The following PCDH15 variants were observed in gnomAD, a reference collection of about 807,000 sequenced individuals.
The protein encoded by PCDH15 is protocadherin-15.
Under a neutral mutation model 178.5 loss-of-function variants are expected in PCDH15, and 129 were observed. That is an observed-to-expected ratio of 0.72 (90% CI 0.63 to 0.84). The LOEUF (loss-of-function observed/expected upper bound fraction) is 0.84. Among genes scored for constraint, PCDH15 ranks in the 40% least tolerant of loss-of-function variants. PCDH15 has a pLI of 0.00. For synonymous variants in PCDH15, 800 were observed against 732.0 expected (o/e 1.09, Z -1.50); for missense variants, 2,230 against 2,099.9 (o/e 1.06, Z -1.21).
chr10:54,518,083 G>T (rs1157004971), intron 3 of PCDH15, among the ~76,000 whole-genome samples: 1 of 152,138 alleles, frequency 6.6e-6, no homozygotes, highest in Non-Finnish European at 1.5e-5. Context: ...GAAATTTATA[G>T]CACCAAATGC....
In PCDH15 at chr10:54,221,775, G is replaced by T. The variant is rs572880647; in HGVS notation, c.986-7727C>A. Among the ~76,000 whole-genome samples, 5 of 152,142 alleles carry T rather than the reference G, an allele frequency of 3.3e-5. No individual in the cohort carries two copies. In the South Asian group the frequency reaches 1.0e-3, roughly 32 times the overall value. On this transcript the variant is annotated intron_variant, in intron 9 of 37. Transcript: ENST00000644397. ...CCACCACCACGCCCAGCTAATTTTT[G>T]TATTTGTAGTAGAGACGGGGTTTCA...
intron 2 of PCDH15, among the ~76,000 whole-genome samples, chr10:55,441,724 C>T (rs1839191055): frequency 1.3e-5 from 2 of 152,098 alleles, no homozygotes; most frequent in African/African-American, 4.8e-5. Context: ...TGAATGGTGG[C>T]TCAAAAAATA....
intron 1 of PCDH15, among the ~76,000 whole-genome samples, chr10:55,281,452 C>A (rs2132257756): frequency 6.6e-6 from 1 of 151,022 alleles, no homozygotes; most frequent in African/African-American, 2.4e-5. Flanking sequence ...TTTAATAAAA[C>A]TCTTACCATC....
chr10:54,803,422 T>C (rs1952724158), upstream of PCDH15, among the ~76,000 whole-genome samples: 1 of 152,188 alleles, frequency 6.6e-6, no homozygotes, highest in South Asian at 2.1e-4. Flanking sequence ...ATCAAGGTCT[T>C]GAGTTAAGGT....
chr10:54,973,867 T>G (rs1170738231), intron 2 of PCDH15, among the ~76,000 whole-genome samples: 1 of 151,820 alleles, frequency 6.6e-6, no homozygotes, highest in African/African-American at 2.4e-5. Context: ...GCAAAAGAAT[T>G]ATCTCTAATC....
chr10:53,971,777 G>T (rs1219931496), intron 21 of PCDH15, among the ~76,000 whole-genome samples: 1 of 151,986 alleles, frequency 6.6e-6, no homozygotes, highest in African/African-American at 2.4e-5. Flanking sequence ...CACGGCTCAA[G>T]GAAATAAAAG....
intron 3 of PCDH15, among the ~76,000 whole-genome samples, chr10:54,852,178 G>T (rs1266322710): frequency 6.6e-6 from 1 of 152,118 alleles, no homozygotes; most frequent in Non-Finnish European, 1.5e-5. Context: ...ATTATTTTTG[G>T]TATCTAGGGA....
At chr10:54,506,056 TA>T (rs2081138478) in intron 3 of PCDH15, among the ~76,000 whole-genome samples, 1 of 152,154 alleles carries the variant, frequency 6.6e-6, no homozygotes, top group South Asian at 2.1e-4. Flanking sequence ...TATTGTTAGA[TA>T]TTTTTCACCT....
At chr10:54,846,851 C>G (rs1167241239) in intron 3 of PCDH15, among the ~76,000 whole-genome samples, 1 of 152,052 alleles carries the variant, frequency 6.6e-6, no homozygotes, top group Non-Finnish European at 1.5e-5. Flanking sequence ...AAATAAAATT[C>G]TATAAAACTA....
At chr10:54,264,340 T>A (rs1397908264) in intron 8 of PCDH15, among the ~76,000 whole-genome samples, 1 of 152,130 alleles carries the variant, frequency 6.6e-6, no homozygotes, top group African/African-American at 2.4e-5. Flanking sequence ...GCACAAGAAC[T>A]CTGGCAATAC....
intron 3 of PCDH15, among the ~76,000 whole-genome samples, chr10:54,407,129 C>A (rs956128452): frequency 2.0e-5 from 3 of 151,956 alleles, no homozygotes; most frequent in African/African-American, 7.3e-5. Flanking sequence ...TGCTCAATAT[C>A]CACTGATAAA....
intron 26 of PCDH15, among the ~76,000 whole-genome samples, chr10:53,872,203 TC>T (rs1196396403): frequency 6.6e-6 from 1 of 152,136 alleles, no homozygotes; most frequent in African/African-American, 2.4e-5. Context: ...AGATGACACA[TC>T]CAGCAACTTA....
chr10:54,639,927 T>A (rs2093952750), intron 2 of PCDH15, among the ~76,000 whole-genome samples: 1 of 152,056 alleles, frequency 6.6e-6, no homozygotes, highest in Non-Finnish European at 1.5e-5. Context: ...TGATTATAGA[T>A]AGATTTTTAA....
At chr10:54,348,051 C>T (rs796464265) in intron 5 of PCDH15, among the ~76,000 whole-genome samples, 16 of 151,838 alleles carry the variant, frequency 1.1e-4, no homozygotes, top group African/African-American at 3.4e-4. Flanking sequence ...GGTTTCACCG[C>T]GTTAGCAAGG....
intron 1 of PCDH15, among the ~76,000 whole-genome samples, chr10:55,185,164 T>TTA (rs1305561794): frequency 6.6e-6 from 1 of 151,840 alleles, no homozygotes; most frequent in Non-Finnish European, 1.5e-5. Context: ...TATTTGGAAT[T>TTA]TAATAGAAAC....
At chr10:54,183,380 A>G (rs914180082) in intron 13 of PCDH15, 64 bp downstream of exon 13, 3 of 1,427,462 alleles carry the variant, frequency 2.1e-6, no homozygotes, top group African/African-American at 1.4e-5. Flanking sequence ...CTTCATGAGC[A>G]TATCGTATAA....
chr10:54,167,738 C>T (rs1052558758), intron 13 of PCDH15, among the ~76,000 whole-genome samples: 8 of 151,966 alleles, frequency 5.3e-5, no homozygotes, highest in Admixed American at 1.3e-4. Flanking sequence ...CTCTTATTTC[C>T]GCACCCCAAC....
chr10:55,073,112 G>A (rs566811465), intron 2 of PCDH15, among the ~76,000 whole-genome samples: 2 of 152,000 alleles, frequency 1.3e-5, no homozygotes. Flanking sequence ...AATAATAAGA[G>A]CTATCTATGA....
chr10:55,619,548 C>T (rs1231107426), intron 2 of PCDH15, among the ~76,000 whole-genome samples: 1 of 151,900 alleles, frequency 6.6e-6, no homozygotes, highest in Non-Finnish European at 1.5e-5. Flanking sequence ...ACATAAAATG[C>T]CTAGCTTGCA....
Sources: gnomAD v4.1 joint callset for allele counts (sites outside exome capture counted in the v4.1 genomes callset) on GRCh38, gnomAD v4.1.1 for gene constraint, MANE v1.5 for transcripts, NCBI Gene and HGNC (gene_info 2026-07-23, HGNC 2026-07-21) for gene names.